MDFIC2: variants seen among roughly 807,000 people sequenced by gnomAD.
MDFIC2 encodes the protein MyoD family inhibitor domain containing 2, also known as myoD family inhibitor domain-containing protein 2.
intron 2 of MDFIC2, among the ~76,000 whole-genome samples, chr3:70,308,013 C>T (rs1156990888): frequency 6.6e-6 from 1 of 152,092 alleles, no homozygotes; most frequent in Non-Finnish European, 1.5e-5. Context: ...ACCACCTTGG[C>T]CCACAGTTTG....
chr3:70,277,744 G>A (rs1343689267), intron 2 of MDFIC2, among the ~76,000 whole-genome samples: 1 of 152,060 alleles, frequency 6.6e-6, no homozygotes, highest in African/African-American at 2.4e-5. Flanking sequence ...AACAGGGAGG[G>A]GTGTGCTTGA....
At chr3:70,257,553 G>A (rs550076916) in intron 2 of MDFIC2, among the ~76,000 whole-genome samples, 3 of 152,190 alleles carry the variant, frequency 2.0e-5, no homozygotes, top group East Asian at 3.9e-4. Context: ...AGGAAGATAC[G>A]CTTTGCAATG....
chr3:70,203,559 T>A (rs1701261300), intron 3 of MDFIC2, among the ~76,000 whole-genome samples: 1 of 152,080 alleles, frequency 6.6e-6, no homozygotes, highest in Admixed American at 6.5e-5. Flanking sequence ...AATTTGGGCT[T>A]ATGTTTTTTT....
chr3:70,235,252 C>G (rs181078001), intron 2 of MDFIC2, among the ~76,000 whole-genome samples: 73 of 152,284 alleles, frequency 4.8e-4, no homozygotes, highest in Non-Finnish European at 4.4e-5. Flanking sequence ...CAGTCTTACT[C>G]TACTGACTGC....
At chr3:70,206,187 C>T (rs544386076) in intron 3 of MDFIC2, among the ~76,000 whole-genome samples, 80 of 151,788 alleles carry the variant, frequency 5.3e-4, no homozygotes, top group Admixed American at 3.2e-3. Flanking sequence ...TATATATTTC[C>T]GGCATTTTAA....
At chr3:70,308,682 T>C (rs1001698281) in intron 2 of MDFIC2, among the ~76,000 whole-genome samples, 1 of 152,176 alleles carries the variant, frequency 6.6e-6, no homozygotes, top group Non-Finnish European at 1.5e-5. Context: ...TTTTTTGTAT[T>C]GTTCTCTGCC....
chr3:70,259,230 A>G (rs188383137), intron 2 of MDFIC2, among the ~76,000 whole-genome samples: 150 of 152,300 alleles, frequency 9.8e-4, no homozygotes, highest in African/African-American at 3.5e-3. Context: ...GTCTATGCTA[A>G]AAACCTACAA....
chr3:70,237,173 G>A (rs1701618207), intron 2 of MDFIC2, among the ~76,000 whole-genome samples: 2 of 152,180 alleles, frequency 1.3e-5, no homozygotes, highest in Admixed American at 1.3e-4. Flanking sequence ...GGGCCAAGCT[G>A]TATTTATTAA....
At chr3:70,263,837 G>T (rs1701890229) in intron 2 of MDFIC2, among the ~76,000 whole-genome samples, 1 of 152,090 alleles carries the variant, frequency 6.6e-6, no homozygotes, top group Non-Finnish European at 1.5e-5. Context: ...CTCCTAGGCA[G>T]AAGGTCTGGG....
At chr3:70,289,747 G>T (rs1201658825) in intron 2 of MDFIC2, among the ~76,000 whole-genome samples, 1 of 151,920 alleles carries the variant, frequency 6.6e-6, no homozygotes, top group Non-Finnish European at 1.5e-5. Flanking sequence ...TTCTTGGAGG[G>T]TTTGCTCGTT....
chr3:70,287,664 T>A (rs1362647056), intron 2 of MDFIC2, among the ~76,000 whole-genome samples: 5 of 152,126 alleles, frequency 3.3e-5, no homozygotes, highest in Non-Finnish European at 5.9e-5. Flanking sequence ...TCTGGTAGAA[T>A]TTGGCTGTGA....
intron 2 of MDFIC2, among the ~76,000 whole-genome samples, chr3:70,282,641 T>C (rs1187608861): frequency 6.6e-6 from 1 of 152,220 alleles, no homozygotes; most frequent in East Asian, 1.9e-4. Context: ...ACATGGTTCT[T>C]GCCCTCATTT....
At chr3:70,257,479 G>A (rs1000512025) in intron 2 of MDFIC2, among the ~76,000 whole-genome samples, 1 of 152,032 alleles carries the variant, frequency 6.6e-6, no homozygotes, top group Non-Finnish European at 1.5e-5. Flanking sequence ...GACAAAGAGA[G>A]GAAGGGAGGA....
chr3:70,283,591 T>C (rs1702110700), intron 2 of MDFIC2: 1 of 152,052 alleles, frequency 6.6e-6, no homozygotes, highest in Non-Finnish European at 1.5e-5. Flanking sequence ...ATGAGCTTGG[T>C]TGTGTCCACC....
chr3:70,229,223 T>C (rs1435293670), intron 2 of MDFIC2, among the ~76,000 whole-genome samples: 4 of 152,180 alleles, frequency 2.6e-5, no homozygotes, highest in Non-Finnish European at 5.9e-5. Context: ...GGAGGAATGG[T>C]CAGGAAGCAA....
chr3:70,311,726 A>G (rs1702454708), intron 2 of MDFIC2, among the ~76,000 whole-genome samples, 160 bp downstream of exon 2: 1 of 151,864 alleles, frequency 6.6e-6, no homozygotes. Context: ...ACAACCACTT[A>G]GGCCACATAA....
chr3:70,234,007 C>T (rs1701586308), intron 2 of MDFIC2, among the ~76,000 whole-genome samples: 1 of 152,154 alleles, frequency 6.6e-6, no homozygotes, highest in Admixed American at 6.6e-5. Flanking sequence ...GAGTAAAATG[C>T]TGAGTCATGT....
chr3:70,305,144 ATTAC>A (rs1702387425), intron 2 of MDFIC2, among the ~76,000 whole-genome samples: 1 of 152,172 alleles, frequency 6.6e-6, no homozygotes, highest in Non-Finnish European at 1.5e-5. Context: ...CTTCGAAACA[ATTAC>A]CCTTGTGAAA....
At chr3:70,267,476 C>G (rs1010490974) in intron 2 of MDFIC2, among the ~76,000 whole-genome samples, 2 of 142,502 alleles carry the variant, frequency 1.4e-5, no homozygotes, top group African/African-American at 2.6e-5. Flanking sequence ...GATCTCCGCT[C>G]ACTGCAAGCT....
Sources: gnomAD v4.1 joint callset for allele counts (sites outside exome capture counted in the v4.1 genomes callset) on GRCh38, gnomAD v4.1.1 for gene constraint, MANE v1.5 for transcripts, NCBI Gene and HGNC (gene_info 2026-07-23, HGNC 2026-07-21) for gene names.